The following ADGRL1 variants were observed in gnomAD, a reference collection of about 807,000 sequenced individuals.
The protein encoded by ADGRL1 is adhesion G protein-coupled receptor L1.
Under a neutral mutation model 148.9 loss-of-function variants are expected in ADGRL1, and 31 were observed. The observed-to-expected ratio is 0.21, with a 90% CI of 0.16 to 0.28. The LOEUF (loss-of-function observed/expected upper bound fraction) is 0.28, where lower values mean the gene tolerates loss of function less well. Among genes scored for constraint, ADGRL1 ranks in the 10% least tolerant of loss-of-function variants. The pLI is 1.00. For synonymous variants in ADGRL1, 937 were observed against 900.3 expected (o/e 1.04, Z -0.73); for missense variants, 1,521 against 2,058.8 (o/e 0.74, Z 5.05).
intron 1 of ADGRL1, 105 bp downstream of exon 1, chr19:14,205,880 G>A (rs1274713765): frequency 6.6e-6 from 1 of 151,848 alleles, no homozygotes; most frequent in African/African-American, 2.4e-5. Context: ...TCGCGGCCAG[G>A]ACAGGCCCCG....
chr19:14,167,399 G>T (rs1970081479), intron 4 of ADGRL1, among the ~76,000 whole-genome samples: 1 of 152,040 alleles, frequency 6.6e-6, no homozygotes, highest in Non-Finnish European at 1.5e-5. Flanking sequence ...GCGGGGGCAG[G>T]GAGTAGGGAG....
At chr19:14,178,927 T>TA (rs1971004101) in intron 2 of ADGRL1, among the ~76,000 whole-genome samples, 1 of 152,068 alleles carries the variant, frequency 6.6e-6, no homozygotes, top group African/African-American at 2.4e-5. Context: ...CTCACACCTG[T>TA]AATCCCCGCA....
rs1346928786 is a variant in ADGRL1, at chr19:14,161,465, T to C, written c.1357A>G (p.Thr453Ala). Residue 453 changes from threonine (T) to alanine (A), a missense_variant, in exon 6 of 23, where the codon ACA becomes GCA. Coordinates refer to ENST00000361434, the MANE Select transcript of ADGRL1 (RefSeq NM_014921.5). The surrounding 1 kb of genome is among the most constrained non-coding windows in gnomAD (Gnocchi z 4.4). ...CGCCGGGTGCTGGGGACTGGGGCTG[T>C]GGCTGGAGGCAGATCAGGTCCCAGC... The part of the protein sequence containing the change: ...NQLGPDLPPA[T>A]APVPSTRRPP... 1.4e-6 allele frequency: 2 copies of C among 1,463,168 alleles called. No homozygotes were observed. The highest frequency in any genetic ancestry group is 1.8e-6 in the Non-Finnish European group (2 of 1,105,868). The allele number at this position is 1,463,168 out of a possible 1,614,324, so 90.6% of individuals were successfully genotyped here. A position where few individuals can be genotyped will look rare whatever the true frequency, so the allele number is the denominator to read the frequency against.
rs763688471 is a variant in ADGRL1, at chr19:14,155,508, T to C, written c.3145A>G (p.Ile1049Val). Residue 1049 changes from isoleucine to valine, a missense_variant, in exon 18 of 23, where the codon ATC (isoleucine) becomes GTC (valine). Ile to Val is a conservative substitution (Grantham distance 29). Coordinates refer to ENST00000361434, the MANE Select transcript of ADGRL1 (RefSeq NM_014921.5). The surrounding 1 kb of genome is among the most constrained non-coding windows in gnomAD (Gnocchi z 5.0). ...DNIKSWALGA[I>V]ALLFLLGLTW... ...AGGCCCAGCAGGAACAGCAGCGCGA[T>C]GGCCCCCAGCGCCCAGGATCTGGGA... 4 of 1,613,674 alleles carry C rather than the reference T, an allele frequency of 2.5e-6. No homozygotes were observed. Among genetic ancestry groups the C allele is most frequent in the South Asian group, 1.1e-5 (1 of 91,078 alleles).
At chr19:14,193,379 G>C (rs1041795899) in intron 1 of ADGRL1, among the ~76,000 whole-genome samples, 2 of 151,292 alleles carry the variant, frequency 1.3e-5, no homozygotes, top group African/African-American at 4.9e-5. Flanking sequence ...TTGAGCCCTG[G>C]AGTTTGAGAC....
At chr19:14,167,010 G>A (rs2144817027) in intron 4 of ADGRL1, 1 of 1,612,142 alleles carries the variant, frequency 6.2e-7, no homozygotes, top group Non-Finnish European at 8.5e-7. Context: ...GTAACAGTGC[G>A]TTTACCTTTC....
At chr19:14,188,972 G>C (rs902962349) in intron 1 of ADGRL1, among the ~76,000 whole-genome samples, 6 of 151,818 alleles carry the variant, frequency 4.0e-5, no homozygotes, top group Non-Finnish European at 8.8e-5. Context: ...GGCTAGTCTG[G>C]AACTCCTGAC....
intron 4 of ADGRL1, 53 bp downstream of exon 4, chr19:14,170,629 C>T (rs1970387659): frequency 9.1e-7 from 1 of 1,098,044 alleles, no homozygotes; most frequent in African/African-American, 1.5e-5. Context: ...GTCTCCTCCT[C>T]ACTCACTCAT....
At chr19:14,178,763 T>C (rs971692176) in intron 2 of ADGRL1, among the ~76,000 whole-genome samples, 6 of 152,168 alleles carry the variant, frequency 3.9e-5, no homozygotes, top group African/African-American at 1.4e-4. Context: ...CCTCCTGCCT[T>C]GGCCTCTCAA....
chr19:14,177,477 G>A (rs977577960), intron 3 of ADGRL1, 54 bp downstream of exon 3: 32 of 1,501,444 alleles, frequency 2.1e-5, no homozygotes, highest in Non-Finnish European at 3.0e-5. Context: ...TGGCAGGTGT[G>A]CAGTGCTTTT....
Position 14,205,977 on chromosome 19 carries a change from A to G in ADGRL1, c.-96+8T>C, listed in dbSNP as rs1972983478. Reference sequence around the variant, plus strand: ...TTCGCCCCTCGCCCTGGGCCCGCAGACACTCACCTGTCCAGCGCCTCTCTG... The same window carrying G: ...TTCGCCCCTCGCCCTGGGCCCGCAGGCACTCACCTGTCCAGCGCCTCTCTG... On this transcript the variant is annotated splice_region_variant and intron_variant, in intron 1 of 22. Coordinates refer to ENST00000361434, the MANE Select transcript of ADGRL1 (RefSeq NM_014921.5). 1 of 149,422 alleles carries G rather than the reference A, an allele frequency of 6.7e-6. No individual in the cohort carries two copies. The highest frequency in any genetic ancestry group is 2.5e-5 in the African/African-American group (1 of 40,446). 9.3% of individuals were successfully genotyped at this position (149,422 alleles called of 1,614,324 possible).
intron 4 of ADGRL1, among the ~76,000 whole-genome samples, chr19:14,164,938 G>A (rs1265594569): frequency 6.6e-6 from 1 of 152,202 alleles, no homozygotes; most frequent in African/African-American, 2.4e-5. Context: ...AGGGCACAGG[G>A]CGAGGGTGGA....
At position 14,161,553 on chromosome 19, in the gene ADGRL1, G is replaced by A. The variant is rs200908779; in HGVS notation, c.1269C>T (p.Pro423=). The A allele has an allele frequency of 5.1e-5, 75 of 1,456,616 alleles. No individual in the cohort carries two copies. The highest frequency in any genetic ancestry group is 1.3e-4 in the South Asian group (9 of 68,360). 90.2% of individuals were successfully genotyped at this position (1,456,616 alleles called of 1,614,324 possible). ...RPTPLTSTAS[P]AATTPLRRAP... is the part of the protein sequence containing the mutation. Reference sequence around the variant, plus strand: ...CCCGGCGGAGCGGGGTGGTGGCTGCGGGCGAGGCTGTGCTGGTGAGGGGCG... The same window carrying A: ...CCCGGCGGAGCGGGGTGGTGGCTGCAGGCGAGGCTGTGCTGGTGAGGGGCG... The change falls in exon 6 of 23, where the codon CCC becomes CCT. Residue 423 remains proline, a synonymous_variant. Coordinates refer to ENST00000361434, the MANE Select transcript of ADGRL1 (RefSeq NM_014921.5). This position sits in a 1 kb window ranked among gnomAD's most constrained non-coding sequence, Gnocchi z 4.4.
At position 14,204,713 on chromosome 19, in the gene ADGRL1, TGAGAGAGA is replaced by T. The variant is rs74181774; in HGVS notation, c.-96+1264_-96+1271del. 2.3e-3 allele frequency among the ~76,000 whole-genome samples: 335 copies of T among 142,992 alleles called. 3 individuals are homozygous for T. The highest frequency in any genetic ancestry group is 7.7e-3 in the African/African-American group (297 of 38,356). 93.8% of individuals were successfully genotyped at this position (142,992 alleles called of 152,430 possible). On this transcript the variant is annotated intron_variant, in intron 1 of 22. Transcript: ENST00000361434. ...GAGAGATAGAGAAAGACAGAGAGAGTGAGAGAGAGAGAGAGAGAGAGAGAGAGACAGAC... is the reference window on the plus strand; with the variant it reads ...GAGAGATAGAGAAAGACAGAGAGAGTGAGAGAGAGAGAGAGAGAGACAGAC...
intron 3 of ADGRL1, among the ~76,000 whole-genome samples, chr19:14,176,720 T>TC (rs1970852049): frequency 1.3e-5 from 2 of 151,990 alleles, no homozygotes; most frequent in African/African-American, 4.8e-5. Context: ...GCGCCTGTAG[T>TC]CCCAGCTACT....
intron 1 of ADGRL1, among the ~76,000 whole-genome samples, chr19:14,192,399 C>A (rs562179859): frequency 6.6e-6 from 1 of 152,000 alleles, no homozygotes; most frequent in South Asian, 2.1e-4. Flanking sequence ...CGCCACCACG[C>A]CTGCCTAATT....
chr19:14,197,038 G>C (rs1313342020), intron 1 of ADGRL1, among the ~76,000 whole-genome samples: 1 of 152,150 alleles, frequency 6.6e-6, no homozygotes, highest in East Asian at 1.9e-4. Flanking sequence ...CACTTTGGGA[G>C]ACCAATGCAG....
chr19:14,151,044 G>C lies in ADGRL1; in HGVS notation c.4239C>G (p.Gly1413=). The C allele has an allele frequency of 6.7e-7, 1 of 1,499,578 alleles. No individual in the cohort carries two copies. The highest frequency in any genetic ancestry group is 8.9e-7 in the Non-Finnish European group (1 of 1,121,396). 92.9% of individuals were successfully genotyped at this position (1,499,578 alleles called of 1,614,324 possible). A position where few individuals can be genotyped will look rare whatever the true frequency, so the allele number is the denominator to read the frequency against. The change falls in exon 23 of 23, where the codon GGC becomes GGG. Residue 1413 remains glycine, a synonymous_variant. Coordinates refer to ENST00000361434, the MANE Select transcript of ADGRL1 (RefSeq NM_014921.5). ...ALPPPPPAPP[G]PPEIYYTSRP... is the part of the protein sequence containing the mutation. Reference sequence around the variant, plus strand: ...GCGAGGTGTAGTAGATTTCGGGGGGGCCGGGGGGTGCGGGAGGGGGTGGGG... The same window carrying C: ...GCGAGGTGTAGTAGATTTCGGGGGGCCCGGGGGGTGCGGGAGGGGGTGGGG...
Position 14,152,315 on chromosome 19 carries a change from A to T in ADGRL1, c.3643T>A (p.Ser1215Thr), listed in dbSNP as rs1179608240. The T allele has an allele frequency of 4.4e-6, 7 of 1,597,164 alleles. No homozygotes were observed. Among genetic ancestry groups the T allele is most frequent in the Non-Finnish European group, 6.0e-6 (7 of 1,169,874 alleles). Residue 1215 changes from serine (S) to threonine (T), a missense_variant, in exon 21 of 23, where the codon TCC becomes ACC. Around this residue, in one of 8 missense-constraint regions of ADGRL1, gnomAD observed 390 missense variants for 375.0 expected, o/e 1.04. Transcript: ENST00000361434. The surrounding 1 kb of genome is among the most constrained non-coding windows in gnomAD (Gnocchi z 6.1). ...FNPSSPPVFN[S>T]PGSYREPKHP... ...GTTTCCCCCGTGCTCTCACCTGGGG[A>T]GTTGAAGACAGGGGGCGAGGAGGGA...
Sources: allele counts gnomAD v4.1 joint callset (sites outside exome capture counted in the v4.1 genomes callset), GRCh38; gene constraint gnomAD v4.1.1; regional missense constraint gnomAD v4.1.1; non-coding constraint Gnocchi (gnomAD v3.1); transcripts MANE v1.5; gene names NCBI Gene and HGNC (gene_info 2026-07-23, HGNC 2026-07-21).